FMR1NB: variants seen among roughly 807,000 people sequenced by gnomAD.
The protein encoded by FMR1NB is FMR1 neighbor, also known as FMR1 neighbor protein.
Under a neutral mutation model 16.8 loss-of-function variants are expected in FMR1NB, and 10 were observed. The observed-to-expected ratio is 0.60, with a 90% CI of 0.37 to 1.01. The LOEUF (loss-of-function observed/expected upper bound fraction) is 1.01, where lower values mean the gene tolerates loss of function less well. Among genes scored for constraint, FMR1NB ranks in the 50% least tolerant of loss-of-function variants. FMR1NB has a pLI of 0.01. For synonymous variants in FMR1NB, 83 were observed against 79.1 expected (o/e 1.05, Z -0.26); for missense variants, 205 against 204.8 (o/e 1.00, Z 0.00).
chrX:147,994,776 A>G (rs1418044687), intron 1 of FMR1NB, among the ~76,000 whole-genome samples: 8 of 112,353 alleles, frequency 7.1e-5, no homozygotes, highest in Non-Finnish European at 1.5e-4. Context: ...TTCATTCTTT[A>G]CATTGTTAGA....
intron 4 of FMR1NB, among the ~76,000 whole-genome samples, chrX:148,014,557 T>C (rs1252155143): frequency 8.9e-6 from 1 of 112,087 alleles, no homozygotes; most frequent in Non-Finnish European, 1.9e-5. Context: ...ATAAGGGACA[T>C]ATACAAGTAT....
intron 4 of FMR1NB, among the ~76,000 whole-genome samples, chrX:148,020,728 G>A (rs5904839): frequency 0.11 from 11,708 of 111,348 alleles, 704 homozygotes; most frequent in African/African-American, 0.22. Context: ...TCTGACTGGT[G>A]CCCTTTCCTA....
intron 1 of FMR1NB, among the ~76,000 whole-genome samples, chrX:147,994,654 G>A (rs920039220): frequency 5.4e-5 from 6 of 111,632 alleles, no homozygotes; most frequent in Admixed American, 3.8e-4. Flanking sequence ...TCTATTTTGA[G>A]TAGAACTCCC....
At chrX:147,986,104 T>C (rs1429940745) in intron 1 of FMR1NB, among the ~76,000 whole-genome samples, 1 of 112,184 alleles carries the variant, frequency 8.9e-6, no homozygotes, top group Admixed American at 9.4e-5. Flanking sequence ...TTTGGGGGCC[T>C]CATAAATGGC....
intron 4 of FMR1NB, among the ~76,000 whole-genome samples, chrX:148,019,682 GA>G (rs1242168284): frequency 8.9e-6 from 1 of 111,801 alleles, no homozygotes; most frequent in Middle Eastern, 4.6e-3. Context: ...ATGATCTTGG[GA>G]AAAAAACCAG....
chrX:148,005,491 C>G (rs1444659247), intron 2 of FMR1NB, among the ~76,000 whole-genome samples: 6 of 111,495 alleles, frequency 5.4e-5, no homozygotes, highest in African/African-American at 1.6e-4. Flanking sequence ...CTGGGCCTAG[C>G]AGAATTGAAG....
intron 1 of FMR1NB, among the ~76,000 whole-genome samples, chrX:148,002,611 T>C (rs2044576421): frequency 8.9e-6 from 1 of 112,242 alleles, no homozygotes; most frequent in African/African-American, 3.2e-5. Flanking sequence ...AATTGCTAAC[T>C]GAGTTATAAT....
At chrX:147,990,039 G>T (rs1344904991) in intron 1 of FMR1NB, among the ~76,000 whole-genome samples, 1 of 87,676 alleles carries the variant, frequency 1.1e-5, no homozygotes. Flanking sequence ...ACTGGGCTAA[G>T]AAAAAAAAAA....
At chrX:148,004,142 A>T (rs2044584209) in intron 2 of FMR1NB, among the ~76,000 whole-genome samples, 1 of 112,406 alleles carries the variant, frequency 8.9e-6, no homozygotes, top group Admixed American at 9.5e-5. Context: ...CAAAATAAAC[A>T]AGTTCCTTAA....
chrX:147,983,855 G>C (rs782730254), intron 1 of FMR1NB, among the ~76,000 whole-genome samples: 9 of 111,616 alleles, frequency 8.1e-5, no homozygotes, highest in Admixed American at 1.9e-4. Flanking sequence ...AGAGTTTTAC[G>C]GTTTTAACTC....
intron 1 of FMR1NB, among the ~76,000 whole-genome samples, chrX:147,992,234 G>T (rs2044510936): frequency 9.8e-6 from 1 of 101,797 alleles, no homozygotes; most frequent in Non-Finnish European, 2.0e-5. Flanking sequence ...AGTAGGGGTG[G>T]CTGGGCAGAG....
intron 1 of FMR1NB, among the ~76,000 whole-genome samples, chrX:147,990,682 G>T (rs1557187526): frequency 2.7e-5 from 3 of 111,535 alleles, no homozygotes; most frequent in Non-Finnish European, 3.8e-5. Flanking sequence ...TTACAAGGGA[G>T]GTTTTGTTTA....
chrX:148,019,049 G>T (rs974634805), intron 4 of FMR1NB, among the ~76,000 whole-genome samples: 4 of 112,060 alleles, frequency 3.6e-5, no homozygotes, highest in Non-Finnish European at 5.6e-5. Flanking sequence ...CTATTTTCTA[G>T]ATGTTGTAGG....
rs782343066 is a variant in FMR1NB, at chrX:147,996,782, C to G, written c.278-6419C>G. Among the ~76,000 whole-genome samples, 9 of 110,816 alleles carry G rather than the reference C, an allele frequency of 8.1e-5. No homozygotes were observed. In the South Asian group the frequency reaches 3.5e-3, roughly 43 times the overall value. On this transcript the variant is annotated intron_variant, in intron 1 of 5. Transcript: ENST00000370467. Reference sequence around the variant, plus strand: ...TGCACTGAGTCTGGTGTTTCTTTTCCGTTGAAATGTAGTTAGATTTTTAGT... The same window carrying G: ...TGCACTGAGTCTGGTGTTTCTTTTCGGTTGAAATGTAGTTAGATTTTTAGT...
In FMR1NB at chrX:148,014,315, C is replaced by A. The variant is rs146829528; in HGVS notation, c.632+5604C>A. On this transcript the variant is annotated intron_variant, in intron 4 of 5. Coordinates refer to ENST00000370467, the MANE Select transcript of FMR1NB (RefSeq NM_152578.3). ...GAGGAATTAAGGATACCTGCCAAAC[C>A]AGTTTGGACATATACCTGGACTCCT... is the stretch of plus-strand genomic sequence containing the variant. 7.1e-3 allele frequency among the ~76,000 whole-genome samples: 793 copies of A among 111,552 alleles called. 7 individuals carry two copies. The highest frequency in any genetic ancestry group is 0.025 in the African/African-American group (768 of 30,677).
chrX:147,987,959 C>T (rs2044485454), intron 1 of FMR1NB, among the ~76,000 whole-genome samples: 1 of 110,941 alleles, frequency 9.0e-6, no homozygotes, highest in African/African-American at 3.3e-5. Context: ...TGGGTCTTGG[C>T]TCTATCCAAT....
chrX:147,991,758 A>G (rs1467948025), intron 1 of FMR1NB, among the ~76,000 whole-genome samples: 11 of 105,886 alleles, frequency 1.0e-4, no homozygotes, highest in African/African-American at 3.8e-4. Flanking sequence ...TCAGCAGATA[A>G]ACAAGTGAAC....
chrX:147,981,479 T>C lies in FMR1NB; in HGVS notation c.77T>C (p.Leu26Pro), dbSNP rs1557186489. ...GCCATGCGTGTGGCTCACTTAGAGC[T>C]GGCAACTTATGAGTTGGCGGCAACT... ...HRAMRVAHLE[L>P]ATYELAATES... is the part of the protein sequence containing the mutation. Residue 26 changes from leucine (L) to proline (P), a missense_variant, in exon 1 of 6, where the codon CTG becomes CCG. By Grantham distance (98) the Leu-to-Pro change is moderately conservative. Coordinates refer to ENST00000370467, the MANE Select transcript of FMR1NB (RefSeq NM_152578.3). The C allele has an allele frequency of 8.3e-7, 1 of 1,211,602 alleles. No homozygotes were observed.
At chrX:148,015,746 A>G (rs2044646406) in intron 4 of FMR1NB, among the ~76,000 whole-genome samples, 1 of 112,177 alleles carries the variant, frequency 8.9e-6, no homozygotes, top group African/African-American at 3.2e-5. Context: ...CACACAGTCT[A>G]TCCTTGAGGA....
Sources: gnomAD v4.1 joint callset for allele counts (sites outside exome capture counted in the v4.1 genomes callset) on GRCh38, gnomAD v4.1.1 for gene constraint, MANE v1.5 for transcripts, NCBI Gene and HGNC (gene_info 2026-07-23, HGNC 2026-07-21) for gene names.